Variants in PLCB1 observed in about 807,000 individuals in gnomAD.
The protein encoded by PLCB1 is phospholipase C beta 1.
A neutral mutation model predicts 161.8 loss-of-function variants in PLCB1; 46 were observed. The observed-to-expected ratio is 0.28, with a 90% CI of 0.22 to 0.36. PLCB1 has a LOEUF of 0.36. Among genes scored for constraint, PLCB1 ranks in the 10% least tolerant of loss-of-function variants. PLCB1 has a pLI of 1.00. For synonymous variants in PLCB1, 517 were observed against 503.7 expected (o/e 1.03, Z -0.35); for missense variants, 1,016 against 1,472.5 (o/e 0.69, Z 5.07).
chr20:8,683,266 T>A (rs1263993487), intron 9 of PLCB1, among the ~76,000 whole-genome samples: 1 of 152,096 alleles, frequency 6.6e-6, no homozygotes, highest in Non-Finnish European at 1.5e-5. Flanking sequence ...GTTTTAGCAG[T>A]AGTTATCTCT....
chr20:8,558,777 G>C (rs1024410693), intron 3 of PLCB1, among the ~76,000 whole-genome samples: 4 of 151,800 alleles, frequency 2.6e-5, no homozygotes, highest in African/African-American at 9.7e-5. Flanking sequence ...ATAGCAATTG[G>C]TATATTTAAA....
intron 3 of PLCB1, among the ~76,000 whole-genome samples, chr20:8,593,086 C>A (rs1234926258): frequency 6.6e-6 from 1 of 152,100 alleles, no homozygotes; most frequent in Non-Finnish European, 1.5e-5. Flanking sequence ...GATATTTTTG[C>A]CTGCTGAGTA....
At chr20:8,226,536 C>T (rs1430942431) in intron 2 of PLCB1, among the ~76,000 whole-genome samples, 1 of 152,132 alleles carries the variant, frequency 6.6e-6, no homozygotes, top group Non-Finnish European at 1.5e-5. Context: ...TCCAGGACCT[C>T]TCTATCTCCT....
intron 27 of PLCB1, among the ~76,000 whole-genome samples, chr20:8,786,098 C>G (rs781506371): frequency 1.3e-5 from 2 of 152,118 alleles, no homozygotes; most frequent in Non-Finnish European, 2.9e-5. Flanking sequence ...GAAGTTCCCC[C>G]ACATGATTCT....
chr20:8,415,610 G>A (rs1174898712), intron 3 of PLCB1, among the ~76,000 whole-genome samples: 2 of 152,174 alleles, frequency 1.3e-5, no homozygotes, highest in Non-Finnish European at 2.9e-5. Context: ...GAACAACTGG[G>A]GTTCAACCCC....
intron 31 of PLCB1, among the ~76,000 whole-genome samples, chr20:8,808,383 G>A (rs1305595232): frequency 1.3e-5 from 2 of 152,050 alleles, no homozygotes; most frequent in Non-Finnish European, 2.9e-5. Flanking sequence ...TGCACACGCT[G>A]GCACTTCTTC....
At chr20:8,658,735 C>A in intron 9 of PLCB1, 31 bp downstream of exon 9, 1 of 1,556,996 alleles carries the variant, frequency 6.4e-7, no homozygotes, top group Admixed American at 2.0e-5. Context: ...CAAAGGGAAG[C>A]TCTTGTTTCT....
intron 31 of PLCB1, among the ~76,000 whole-genome samples, chr20:8,819,908 G>T (rs1042218636): frequency 1.3e-5 from 2 of 151,642 alleles, no homozygotes; most frequent in Non-Finnish European, 2.9e-5. Context: ...CACTTCCTCA[G>T]ATATGCCAGT....
At chr20:8,326,866 C>G (rs1985174508) in intron 2 of PLCB1, among the ~76,000 whole-genome samples, 1 of 152,144 alleles carries the variant, frequency 6.6e-6, no homozygotes, top group Admixed American at 6.6e-5. Context: ...CCAAATAAAA[C>G]TGACTTAAAC....
At chr20:8,190,372 A>G (rs1319272115) in intron 2 of PLCB1, among the ~76,000 whole-genome samples, 1 of 152,078 alleles carries the variant, frequency 6.6e-6, no homozygotes, top group African/African-American at 2.4e-5. Context: ...ATTATTTACA[A>G]TTTTACACTT....
intron 31 of PLCB1, among the ~76,000 whole-genome samples, chr20:8,827,690 C>T (rs1370767923): frequency 6.6e-6 from 1 of 152,174 alleles, no homozygotes; most frequent in Admixed American, 6.5e-5. Context: ...TAGTGCCAAA[C>T]AAGAACAGGG....
intron 3 of PLCB1, among the ~76,000 whole-genome samples, chr20:8,525,237 C>T (rs918966463): frequency 7.5e-6 from 1 of 133,576 alleles, no homozygotes; most frequent in African/African-American, 3.1e-5. Flanking sequence ...AAAATATCTT[C>T]TTAACCCATA....
chr20:8,571,052 G>A lies in PLCB1; in HGVS notation c.247-57242G>A, dbSNP rs117307847. 1.1e-3 allele frequency among the ~76,000 whole-genome samples: 172 copies of A among 152,328 alleles called. 1 individual carries two copies. In the East Asian group the frequency reaches 0.03, roughly 26 times the overall value. ...AATGGAATAAAGAGAGTGTGGAATG[G>A]TATGTAGGCACCAGGTCATGTAAAA... is the stretch of plus-strand genomic sequence containing the variant. On this transcript the variant is annotated intron_variant, in intron 3 of 31. Coordinates refer to ENST00000338037, the MANE Select transcript of PLCB1 (RefSeq NM_015192.4).
chr20:8,628,656 CG>C (rs1469824948), intron 4 of PLCB1: 3 of 462,050 alleles, frequency 6.5e-6, no homozygotes, highest in Admixed American at 6.8e-5. Flanking sequence ...GCCATTTGGC[CG>C]GGCACGGTGG....
At chr20:8,578,359 T>C (rs1230650734) in intron 3 of PLCB1, among the ~76,000 whole-genome samples, 1 of 152,212 alleles carries the variant, frequency 6.6e-6, no homozygotes, top group African/African-American at 2.4e-5. Context: ...CAGTCCTTGA[T>C]CTTTTAAAGC....
chr20:8,560,225 C>T (rs201265421), intron 3 of PLCB1, among the ~76,000 whole-genome samples: 6 of 152,016 alleles, frequency 3.9e-5, no homozygotes, highest in South Asian at 2.1e-4. Context: ...GTTTGTGGAC[C>T]GAACTTTGAG....
At chr20:8,691,072 T>C (rs1052575100) in intron 10 of PLCB1, among the ~76,000 whole-genome samples, 1 of 152,200 alleles carries the variant, frequency 6.6e-6, no homozygotes, top group Non-Finnish European at 1.5e-5. Context: ...AAGTTTTGCC[T>C]GAAATGCTGT....
chr20:8,376,890 T>C (rs938874027), intron 3 of PLCB1, among the ~76,000 whole-genome samples: 7 of 150,934 alleles, frequency 4.6e-5, no homozygotes, highest in Admixed American at 1.3e-4. Flanking sequence ...ATCACACCAC[T>C]GCCCTCCAGC....
At chr20:8,771,664 G>C (rs1358163531) in intron 26 of PLCB1, among the ~76,000 whole-genome samples, 3 of 151,726 alleles carry the variant, frequency 2.0e-5, no homozygotes, top group Non-Finnish European at 4.4e-5. Context: ...TTCTTGTGTT[G>C]TCCTTTAAAA....
Sources: allele counts gnomAD v4.1 joint callset (sites outside exome capture counted in the v4.1 genomes callset), GRCh38; gene constraint gnomAD v4.1.1; transcripts MANE v1.5; gene names NCBI Gene and HGNC (gene_info 2026-07-23, HGNC 2026-07-21).